Variants in INPP5A observed in about 807,000 individuals in gnomAD.
INPP5A encodes inositol polyphosphate-5-phosphatase A.
INPP5A carries 14 observed loss-of-function variants against 65.2 expected under a neutral mutation model. The observed-to-expected ratio is 0.21, with a 90% confidence interval of 0.14 to 0.34. INPP5A has a LOEUF of 0.34. INPP5A is among the 10% of genes least tolerant of loss of function. INPP5A has a pLI of 1.00. For missense variants in INPP5A, 431 were observed against 545.6 expected, an observed-to-expected ratio of 0.79 and a Z score of 2.09; for synonymous variants, 207 against 208.3, an observed-to-expected ratio of 0.99 and a Z score of 0.05.
At position 132,555,198 on chromosome 10, in the gene INPP5A, G is replaced by A. The variant is rs552478193; in HGVS notation, c.75+17027G>A. 2.0e-5 allele frequency among the ~76,000 whole-genome samples: 3 copies of A among 152,082 alleles called. No homozygotes were observed. The highest frequency in any genetic ancestry group is 4.4e-5 in the Non-Finnish European group (3 of 67,958). On this transcript the variant is annotated intron_variant, in intron 1 of 15. Coordinates refer to ENST00000368594, the MANE Select transcript of INPP5A (RefSeq NM_005539.5). The surrounding 1 kb of genome is among the most constrained non-coding windows in gnomAD (Gnocchi z 4.4). ...GGGGGGTGTGGATGGCAAGCGGCAG[G>A]ACCAGGTGCTGCAGGCTGGGTGGTG...
intron 9 of INPP5A, among the ~76,000 whole-genome samples, chr10:132,738,588 C>T (rs994603768): frequency 3.9e-5 from 6 of 152,248 alleles, no homozygotes; most frequent in Non-Finnish European, 7.3e-5. Context: ...GAAAGAGACC[C>T]GCCGCCTTCT....
intron 2 of INPP5A, among the ~76,000 whole-genome samples, chr10:132,608,805 G>T (rs1158677813): frequency 2.6e-5 from 4 of 152,224 alleles, no homozygotes; most frequent in Non-Finnish European, 5.9e-5. Context: ...GGTGTGTTTG[G>T]CTGCTGATTG....
chr10:132,775,183 A>AG (rs1198975694), intron 12 of INPP5A, among the ~76,000 whole-genome samples: 1,262 of 4,730 alleles, frequency 0.27, 546 homozygotes, highest in Non-Finnish European at 0.37. Context: ...AGGGGCAGGG[A>AG]GAGAGGGAGG....
intron 2 of INPP5A, among the ~76,000 whole-genome samples, chr10:132,621,176 T>C (rs370631427): frequency 6.6e-6 from 1 of 152,150 alleles, no homozygotes; most frequent in Non-Finnish European, 1.5e-5. Flanking sequence ...ACACTTAAAC[T>C]GTGATAGAGG....
At chr10:132,583,715 A>T (rs1411017281) in intron 1 of INPP5A, among the ~76,000 whole-genome samples, 1 of 152,234 alleles carries the variant, frequency 6.6e-6, no homozygotes, top group African/African-American at 2.4e-5. Flanking sequence ...TTGGTAAATT[A>T]CATCGCTGTT....
At chr10:132,693,868 G>A (rs942563013) in intron 5 of INPP5A, among the ~76,000 whole-genome samples, 2 of 152,134 alleles carry the variant, frequency 1.3e-5, no homozygotes, top group Non-Finnish European at 2.9e-5. Context: ...ACAACAGAGT[G>A]TCAAATACAC....
At chr10:132,710,184 A>T (rs751361856) in intron 7 of INPP5A, among the ~76,000 whole-genome samples, 153 bp from the exon 8 acceptor site, 12 of 152,394 alleles carry the variant, frequency 7.9e-5, no homozygotes, top group African/African-American at 2.6e-4. Context: ...GCCTTGTCGG[A>T]AGACAGGTGG....
intron 14 of INPP5A, among the ~76,000 whole-genome samples, 176 bp from the exon 15 acceptor site, chr10:132,781,685 C>T (rs914119297): frequency 2.0e-5 from 3 of 152,214 alleles, no homozygotes; most frequent in African/African-American, 4.8e-5. Flanking sequence ...CCAACCCCTG[C>T]GCTGCCGTGG....
chr10:132,610,810 G>A (rs2071935407), intron 2 of INPP5A, among the ~76,000 whole-genome samples: 1 of 152,262 alleles, frequency 6.6e-6, no homozygotes, highest in Non-Finnish European at 1.5e-5. Flanking sequence ...ACTAACTGAA[G>A]AAGCTCTTGT....
chr10:132,565,942 G>A (rs1038218664), intron 1 of INPP5A, among the ~76,000 whole-genome samples: 2 of 152,030 alleles, frequency 1.3e-5, no homozygotes, highest in African/African-American at 4.8e-5. Flanking sequence ...AGTCTTGCAG[G>A]AGTGAAGACC....
chr10:132,614,493 G>A (rs899237749), intron 2 of INPP5A, among the ~76,000 whole-genome samples: 4 of 152,150 alleles, frequency 2.6e-5, no homozygotes, highest in African/African-American at 9.7e-5. Flanking sequence ...AAACAAAGCT[G>A]CAGAGCCTGG....
intron 2 of INPP5A, among the ~76,000 whole-genome samples, chr10:132,642,825 G>A (rs1183176503): frequency 2.0e-5 from 3 of 152,214 alleles, no homozygotes; most frequent in Non-Finnish European, 2.9e-5. Context: ...AAGACCTGCC[G>A]ATGAAGCGCA....
intron 2 of INPP5A, among the ~76,000 whole-genome samples, chr10:132,633,494 A>G (rs909296278): frequency 6.6e-6 from 1 of 152,180 alleles, no homozygotes; most frequent in Non-Finnish European, 1.5e-5. Context: ...GCAGGTGCCC[A>G]AGCGTGGAGT....
intron 2 of INPP5A, among the ~76,000 whole-genome samples, chr10:132,608,256 G>T (rs2071886512): frequency 6.6e-6 from 1 of 152,244 alleles, no homozygotes. Context: ...TCCCTCCAGG[G>T]CTGGGTGAGC....
In INPP5A at chr10:132,717,427, GC is replaced by G. The variant is rs908791062; in HGVS notation, c.647+6975del. On this transcript the variant is annotated intron_variant, in intron 8 of 15. Transcript: ENST00000368594. ...ACTCCACCCAGTGAGCAGCCTGGCTGCCCCAGGCACTTTGGGGGCTCTGCTA... is the reference window on the plus strand; with the variant it reads ...ACTCCACCCAGTGAGCAGCCTGGCTGCCCAGGCACTTTGGGGGCTCTGCTA... Among the ~76,000 whole-genome samples the G allele has an allele frequency of 1.2e-4, 18 of 151,516 alleles. 1 individual carries two copies. Among genetic ancestry groups the G allele is most frequent in the African/African-American group, 3.9e-4 (16 of 40,772 alleles).
At chr10:132,720,868 G>T (rs55753837) in intron 8 of INPP5A, among the ~76,000 whole-genome samples, 2 of 149,676 alleles carry the variant, frequency 1.3e-5, no homozygotes, top group East Asian at 2.0e-4. Context: ...CTGTCTTCAG[G>T]GATCTGTGGT....
Position 132,650,538 on chromosome 10 carries a change from A to G in INPP5A, c.306+33A>G. ...CCTCCCGCTGCCTGGTGCAGGGGTC[A>G]GACAGGCTGGCCTTGGCAGAAGCCA... On this transcript the variant is annotated intron_variant, in intron 4 of 15. Transcript: ENST00000368594. The surrounding 1 kb of genome is among the most constrained non-coding windows in gnomAD (Gnocchi z 5.5). The G allele has an allele frequency of 6.7e-7, 1 of 1,500,086 alleles. No individual in the cohort carries two copies. The allele number at this position is 1,500,086 out of a possible 1,614,324, so 92.9% of individuals were successfully genotyped here. A position where few individuals can be genotyped will look rare whatever the true frequency, so the allele number is the denominator to read the frequency against.
intron 2 of INPP5A, among the ~76,000 whole-genome samples, chr10:132,628,582 A>G (rs1307611938): frequency 5.3e-5 from 8 of 152,048 alleles, no homozygotes; most frequent in African/African-American, 1.9e-4. Flanking sequence ...TGTAGAGGCA[A>G]AGACTGATGG....
Position 132,669,920 on chromosome 10 carries a change from C to T in INPP5A, c.306+19415C>T, listed in dbSNP as rs540290593. Among the ~76,000 whole-genome samples, 5 of 152,110 alleles carry T rather than the reference C, an allele frequency of 3.3e-5. No homozygotes were observed. The East Asian group carries it at 7.7e-4, about 24-fold the overall frequency. ...TCCTCAGGGTGCAGCCCTGCACAGCCCTTCTAGCCCTCTCAGGTCTTTCTT... is the reference window on the plus strand; with the variant it reads ...TCCTCAGGGTGCAGCCCTGCACAGCTCTTCTAGCCCTCTCAGGTCTTTCTT... On this transcript the variant is annotated intron_variant, in intron 4 of 15. Transcript: ENST00000368594.
Sources: allele counts gnomAD v4.1 joint callset (sites outside exome capture counted in the v4.1 genomes callset), GRCh38; gene constraint gnomAD v4.1.1; non-coding constraint Gnocchi (gnomAD v3.1); transcripts MANE v1.5; gene names NCBI Gene and HGNC (gene_info 2026-07-23, HGNC 2026-07-21).